Variants in NAALADL2 observed in about 807,000 individuals in gnomAD.
NAALADL2 encodes N-acetylated alpha-linked acidic dipeptidase like 2.
NAALADL2 carries 76 observed loss-of-function variants against 87.2 expected under a neutral mutation model. The observed-to-expected ratio is 0.87, with a 90% confidence interval of 0.72 to 1.05. The LOEUF (loss-of-function observed/expected upper bound fraction) is 1.05, where lower values mean the gene tolerates loss of function less well. Among genes scored for constraint, NAALADL2 ranks in the 50% least tolerant of loss-of-function variants. NAALADL2 has a pLI of 0.00. For missense variants in NAALADL2, 1,089 were observed against 945.8 expected (o/e 1.15, Z -1.99); for synonymous variants, 354 against 331.0 (o/e 1.07, Z -0.75).
intron 10 of NAALADL2, among the ~76,000 whole-genome samples, chr3:175,616,935 C>A (rs994450138): frequency 6.6e-6 from 1 of 151,942 alleles, no homozygotes; most frequent in Non-Finnish European, 1.5e-5. Context: ...TGCGGTTCAG[C>A]GAATTTTCCC....
rs370754685 is a variant in NAALADL2, at chr3:174,613,121, A to G, written c.-115+62484A>G. ...CAGGCAGAGACTCCTATTTTCTTCC[A>G]TTAGTTTCTCCCCATCAAATGGAGC... On this transcript the variant is annotated intron_variant, in intron 2 of 3. Transcript: ENST00000434257. Among the ~76,000 whole-genome samples, 55 of 152,318 alleles carry G rather than the reference A, an allele frequency of 3.6e-4. 2 individuals are homozygous for G. The East Asian group carries it at 0.01, about 28-fold the overall frequency.
intron 13 of NAALADL2, among the ~76,000 whole-genome samples, chr3:175,767,138 A>C (rs1748810458): frequency 6.6e-6 from 1 of 152,158 alleles, no homozygotes; most frequent in Admixed American, 6.6e-5. Flanking sequence ...ATGATTTGCC[A>C]GCCACTACAC....
intron 10 of NAALADL2, among the ~76,000 whole-genome samples, chr3:175,599,322 T>C (rs1421031093): frequency 1.3e-5 from 2 of 152,118 alleles, no homozygotes; most frequent in East Asian, 1.9e-4. Flanking sequence ...AAGGTTATCA[T>C]TATAATTATA....
intron 4 of NAALADL2, among the ~76,000 whole-genome samples, chr3:175,315,642 G>A (rs533024209): frequency 1.3e-5 from 2 of 152,126 alleles, no homozygotes; most frequent in African/African-American, 2.4e-5. Context: ...CATATTTTAG[G>A]CTATAAATAC....
chr3:174,548,416 A>G (rs1444201923), intron 1 of NAALADL2, among the ~76,000 whole-genome samples: 1 of 152,190 alleles, frequency 6.6e-6, no homozygotes, highest in African/African-American at 2.4e-5. Flanking sequence ...CAAGCTGCAG[A>G]TAGTTTTGTC....
chr3:175,497,827 A>G (rs2149360491), intron 9 of NAALADL2, among the ~76,000 whole-genome samples: 1 of 152,290 alleles, frequency 6.6e-6, no homozygotes, highest in South Asian at 2.1e-4. Flanking sequence ...TACAAATCAT[A>G]ACTAAGTTTC....
chr3:175,190,714 C>T (rs377667941), intron 2 of NAALADL2, among the ~76,000 whole-genome samples: 9 of 152,098 alleles, frequency 5.9e-5, no homozygotes, highest in African/African-American at 1.4e-4. Context: ...CGGTGGCTCA[C>T]GCCTGTAATC....
Position 174,468,200 on chromosome 3 carries a change from A to C in NAALADL2, c.-184+27168A>C, listed in dbSNP as rs143469558. Among the ~76,000 whole-genome samples the C allele has an allele frequency of 3.8e-3, 576 of 152,192 alleles. 6 individuals are homozygous for C. The highest frequency in any genetic ancestry group is 0.013 in the African/African-American group (547 of 41,506). On this transcript the variant is annotated intron_variant, in intron 1 of 3. Coordinates refer to the NAALADL2 transcript ENST00000434257. Reference sequence around the variant, plus strand: ...GAAAATCTGTCTAAGGTAGGACACAATCTGGTAACTGGATATTACTAGCCT... The same window carrying C: ...GAAAATCTGTCTAAGGTAGGACACACTCTGGTAACTGGATATTACTAGCCT...
At chr3:175,411,374 T>A (rs1232797788) in intron 5 of NAALADL2, among the ~76,000 whole-genome samples, 1 of 152,182 alleles carries the variant, frequency 6.6e-6, no homozygotes, top group African/African-American at 2.4e-5. Flanking sequence ...GTAGTATGTA[T>A]GTTAGAAATA....
At chr3:175,752,205 G>T (rs190034660) in intron 12 of NAALADL2, among the ~76,000 whole-genome samples, 3 of 152,188 alleles carry the variant, frequency 2.0e-5, no homozygotes, top group Non-Finnish European at 4.4e-5. Context: ...ATTACATAGG[G>T]TTCTTTCCAA....
At chr3:175,013,281 A>ATATTTT in intron 1 of NAALADL2, among the ~76,000 whole-genome samples, 6 of 75,942 alleles carry the variant, frequency 7.9e-5, no homozygotes, top group African/African-American at 4.8e-4. Context: ...ATATATACAT[A>ATATTTT]TATATATATA....
intron 2 of NAALADL2, among the ~76,000 whole-genome samples, chr3:174,717,519 A>G (rs1313025496): frequency 1.3e-5 from 2 of 152,200 alleles, no homozygotes; most frequent in East Asian, 1.9e-4. Context: ...CAAATACTTA[A>G]TCCTTCAGTT....
chr3:174,776,965 A>G (rs967872806), intron 3 of NAALADL2, among the ~76,000 whole-genome samples: 2 of 152,162 alleles, frequency 1.3e-5, no homozygotes, highest in African/African-American at 4.8e-5. Context: ...AATCAATGGC[A>G]ACAGCATTGG....
At chr3:174,575,611 G>A (rs1359979147) in intron 2 of NAALADL2, among the ~76,000 whole-genome samples, 2 of 152,090 alleles carry the variant, frequency 1.3e-5, no homozygotes, top group Non-Finnish European at 2.9e-5. Context: ...GAAAAACTTG[G>A]TTATAAATCT....
intron 9 of NAALADL2, among the ~76,000 whole-genome samples, chr3:175,492,488 G>A (rs1416527777): frequency 6.6e-6 from 1 of 152,186 alleles, no homozygotes; most frequent in Non-Finnish European, 1.5e-5. Context: ...CAAAGGGAGA[G>A]ATGAAACCCA....
chr3:175,056,337 G>A (rs754398297), intron 1 of NAALADL2, among the ~76,000 whole-genome samples: 3 of 152,118 alleles, frequency 2.0e-5, no homozygotes, highest in Non-Finnish European at 4.4e-5. Flanking sequence ...ATGAACCAGA[G>A]CCCACACTTG....
intron 7 of NAALADL2, among the ~76,000 whole-genome samples, chr3:175,464,889 C>A (rs1212402054): frequency 3.3e-5 from 5 of 152,084 alleles, no homozygotes; most frequent in African/African-American, 7.2e-5. Flanking sequence ...AATTGAAGCA[C>A]TAGAATATTT....
chr3:175,448,699 G>C (rs763541555), intron 6 of NAALADL2, among the ~76,000 whole-genome samples: 13 of 152,008 alleles, frequency 8.6e-5, no homozygotes, highest in Non-Finnish European at 1.8e-4. Context: ...AAATTTTTTT[G>C]TGTTATATGT....
At chr3:174,579,833 T>C (rs1431386116) in intron 2 of NAALADL2, among the ~76,000 whole-genome samples, 1 of 152,028 alleles carries the variant, frequency 6.6e-6, no homozygotes, top group Non-Finnish European at 1.5e-5. Context: ...AACCCACTTG[T>C]ATGTTGGATG....
Sources: allele counts gnomAD v4.1 joint callset (sites outside exome capture counted in the v4.1 genomes callset), GRCh38; gene constraint gnomAD v4.1.1; transcripts MANE v1.5; gene names NCBI Gene and HGNC (gene_info 2026-07-23, HGNC 2026-07-21).